The following IL1R1 variants were observed in gnomAD, a reference collection of about 807,000 sequenced individuals.
IL1R1 encodes interleukin-1 receptor type 1.
A neutral mutation model predicts 50.2 loss-of-function variants in IL1R1; 22 were observed. That is an observed-to-expected ratio of 0.44 (90% confidence interval 0.31 to 0.63). The LOEUF (loss-of-function observed/expected upper bound fraction) is 0.63, where lower values mean the gene tolerates loss of function less well. IL1R1 is among the 20% of genes least tolerant of loss of function. The pLI, the probability that IL1R1 is intolerant of heterozygous loss-of-function variation, is 0.07. For synonymous variants in IL1R1, 251 were observed against 236.7 expected (o/e 1.06, Z -0.55); for missense variants, 509 against 676.2 (o/e 0.75, Z 2.74).
intron 1 of IL1R1, among the ~76,000 whole-genome samples, chr2:102,143,778 A>C (rs1195928149): frequency 6.6e-6 from 1 of 152,216 alleles, no homozygotes; most frequent in East Asian, 1.9e-4. Context: ...CTGGGAAGGC[A>C]CGCAGATGCT....
rs112948351 is a variant in IL1R1, at chr2:102,176,102, A to G, written c.1304-251A>G. 25 of 471,046 alleles carry G rather than the reference A, an allele frequency of 5.3e-5. 1 individual carries two copies. The highest frequency in any genetic ancestry group is 4.3e-4 in the African/African-American group (22 of 51,184). 29.2% of individuals were successfully genotyped at this position (471,046 alleles called of 1,614,324 possible). On this transcript the variant is annotated intron_variant, in intron 11 of 11. Coordinates refer to ENST00000410023, the MANE Select transcript of IL1R1 (RefSeq NM_000877.4). ...CCTGGGAGGCCAGGGTGAGAGGGTC[A>G]CTTGAGCCTAGGAGTTTGAGGCTGC...
intron 1 of IL1R1, among the ~76,000 whole-genome samples, chr2:102,136,625 C>T (rs1453708381): frequency 3.3e-5 from 5 of 152,134 alleles, no homozygotes; most frequent in African/African-American, 1.2e-4. Context: ...ATCTACCCTC[C>T]TCGGCCTCCC....
chr2:102,110,231 G>A (rs1559467091), intron 1 of IL1R1, among the ~76,000 whole-genome samples: 2 of 152,230 alleles, frequency 1.3e-5, no homozygotes, highest in African/African-American at 2.4e-5. Context: ...ATCAAAGGCG[G>A]TGCATTTTCT....
intron 1 of IL1R1, among the ~76,000 whole-genome samples, chr2:102,107,699 T>C (rs1402337498): frequency 2.6e-5 from 4 of 152,232 alleles, no homozygotes; most frequent in African/African-American, 9.6e-5. Flanking sequence ...TTTTGTTGTC[T>C]TAATTTACCT....
At chr2:102,176,290 G>T in intron 11 of IL1R1, 63 bp from the exon 12 acceptor site, 3 of 1,449,102 alleles carry the variant, frequency 2.1e-6, no homozygotes, top group Non-Finnish European at 2.8e-6. Context: ...GTGTGGCTTT[G>T]GTTCAGGAGA....
rs939499492 is a variant in IL1R1 at position 102,175,792 on chromosome 2, A to G, written c.1303+147A>G. On this transcript the variant is annotated intron_variant, in intron 11 of 11. Transcript: ENST00000410023. ...TTCAGAAGTGTATGATGATTTTTACATTTATTAAATGCATTTACTTCTCTC... is the reference window on the plus strand; with the variant it reads ...TTCAGAAGTGTATGATGATTTTTACGTTTATTAAATGCATTTACTTCTCTC... 1.4e-5 allele frequency: 10 copies of G among 725,470 alleles called. No homozygotes were observed. The African/African-American group carries it at 1.4e-4, about 10-fold the overall frequency. 44.9% of individuals were successfully genotyped at this position (725,470 alleles called of 1,614,324 possible).
At chr2:102,110,779 G>A (rs1376998031) in intron 1 of IL1R1, among the ~76,000 whole-genome samples, 7 of 152,040 alleles carry the variant, frequency 4.6e-5, no homozygotes, top group Non-Finnish European at 7.4e-5. Context: ...GTCCAGTCAT[G>A]GGATGGCACA....
intron 3 of IL1R1, among the ~76,000 whole-genome samples, chr2:102,162,429 G>T (rs891666956): frequency 6.6e-5 from 10 of 151,992 alleles, no homozygotes; most frequent in Admixed American, 6.6e-5. Flanking sequence ...GTTTAATTCT[G>T]GGATCTTGCT....
chr2:102,085,821 T>TTGA lies in IL1R1; in HGVS notation c.-84+15288_-84+15289insTGA, dbSNP rs775716717. On this transcript the variant is annotated intron_variant, in intron 1 of 11. Coordinates refer to the IL1R1 transcript ENST00000409929. ...TAACTGACAACTTTACAACATCAAATCTTTCAATTATTGAACATGCTACAT... is the reference window on the plus strand; with the variant it reads ...TAACTGACAACTTTACAACATCAAATTGACTTTCAATTATTGAACATGCTACAT... 4.6e-5 allele frequency among the ~76,000 whole-genome samples: 7 copies of TTGA among 152,294 alleles called. No individual in the cohort carries two copies. The East Asian group carries it at 1.3e-3, about 29-fold the overall frequency.
At chr2:102,149,573 C>G (rs1385223709) in intron 1 of IL1R1, among the ~76,000 whole-genome samples, 1 of 152,128 alleles carries the variant, frequency 6.6e-6, no homozygotes, top group African/African-American at 2.4e-5. Context: ...CACCAGCACC[C>G]CTGTTCTTAA....
intron 1 of IL1R1, among the ~76,000 whole-genome samples, chr2:102,113,174 C>T (rs890751452): frequency 2.0e-5 from 3 of 152,236 alleles, no homozygotes; most frequent in African/African-American, 7.2e-5. Flanking sequence ...GTATAACTAT[C>T]TTTAAAGACT....
At chr2:102,127,927 A>C (rs1681815674) in intron 1 of IL1R1, among the ~76,000 whole-genome samples, 2 of 152,200 alleles carry the variant, frequency 1.3e-5, no homozygotes, top group Admixed American at 1.3e-4. Flanking sequence ...TTACGTAAAG[A>C]ATCTTATGAA....
intron 1 of IL1R1, among the ~76,000 whole-genome samples, chr2:102,097,312 G>A (rs950580168): frequency 3.3e-5 from 5 of 152,188 alleles, no homozygotes; most frequent in Non-Finnish European, 5.9e-5. Flanking sequence ...CCATAAACAA[G>A]GGAGGGTGTC....
chr2:102,164,850 T>G lies in IL1R1; in HGVS notation c.138T>G (p.Leu46=), dbSNP rs1453880320. The stretch of plus-strand genomic sequence containing the variant: ...AAATTGATGTTCGTCCCTGTCCTCT[T>G]AACCCAAATGAACACAAAGGCACTA... The part of the protein sequence containing the change: ...ANEIDVRPCP[L]NPNEHKGTIT... The change falls in exon 4 of 12, where the codon CTT becomes CTG. Residue 46 remains leucine, a synonymous_variant. Transcript: ENST00000410023. The G allele has an allele frequency of 6.2e-7, 1 of 1,614,100 alleles. No homozygotes were observed.
intron 1 of IL1R1, among the ~76,000 whole-genome samples, chr2:102,109,428 G>A (rs1360996005): frequency 6.6e-6 from 1 of 152,148 alleles, no homozygotes; most frequent in Non-Finnish European, 1.5e-5. Flanking sequence ...GTTTCCCAAA[G>A]CTGCAGGCTA....
At position 102,127,630 on chromosome 2, in the gene IL1R1, A is replaced by G. The variant is rs541100517; in HGVS notation, c.-84+22758A>G. ...GCTAGGAAACCCCAGTAGGGACTTC[A>G]GGTAAGACAGAGATGTGTGTGTGTG... On this transcript the variant is annotated intron_variant, in intron 1 of 10. Transcript: ENST00000409329. 3.3e-5 allele frequency among the ~76,000 whole-genome samples: 5 copies of G among 150,374 alleles called. No homozygotes were observed. In the South Asian group the frequency reaches 1.1e-3, roughly 32 times the overall value.
At chr2:102,118,723 A>G (rs1681228906) in intron 1 of IL1R1, among the ~76,000 whole-genome samples, 1 of 152,178 alleles carries the variant, frequency 6.6e-6, no homozygotes, top group African/African-American at 2.4e-5. Flanking sequence ...CAGGTATAGA[A>G]AAGGAAAAGT....
chr2:102,149,848 C>T (rs115141739), intron 1 of IL1R1, among the ~76,000 whole-genome samples: 2,104 of 152,204 alleles, frequency 0.014, 40 homozygotes, highest in African/African-American at 0.048. Flanking sequence ...AGGAGCCATG[C>T]GGTGGGACTG....
At position 102,176,678 on chromosome 2, in the gene IL1R1, GTCACCTTCA is replaced by G; in HGVS notation, c.1632_1640del (p.Pro545_Ser547del). The stretch of plus-strand genomic sequence containing the variant: ...GGTACCACATGCCAGTCCAGCGACG[GTCACCTTCA>G]TCTAAACACCAGTTACTGTCACCAG... On this transcript the variant is annotated inframe_deletion, in exon 12 of 12. Transcript: ENST00000410023. 1.2e-6 allele frequency: 2 copies of G among 1,614,172 alleles called. No homozygotes were observed. The highest frequency in any genetic ancestry group is 2.2e-5 in the South Asian group (2 of 91,076).
Sources: gnomAD v4.1 joint callset for allele counts (sites outside exome capture counted in the v4.1 genomes callset) on GRCh38, gnomAD v4.1.1 for gene constraint, MANE v1.5 for transcripts, NCBI Gene and HGNC (gene_info 2026-07-23, HGNC 2026-07-21) for gene names.